Variants in NBAS observed in about 807,000 individuals in gnomAD.
The protein encoded by NBAS is NAG/BC035112 fusion.
NBAS carries 219 observed loss-of-function variants against 302.5 expected under a neutral mutation model. The ratio of observed to expected loss-of-function variants is 0.72; its 90% CI spans 0.65 to 0.81. The LOEUF is 0.81. NBAS is among the 30% of genes least tolerant of loss of function. The pLI, the probability that NBAS is intolerant of heterozygous loss-of-function variation, is 0.00. For synonymous variants in NBAS, 1,118 were observed against 1,021.6 expected (o/e 1.09, Z -1.80); for missense variants, 2,932 against 2,841.6 (o/e 1.03, Z -0.72).
intron 25 of NBAS, among the ~76,000 whole-genome samples, chr2:15,411,955 C>T (rs1676708531): frequency 6.6e-6 from 1 of 151,944 alleles, no homozygotes; most frequent in Non-Finnish European, 1.5e-5. Flanking sequence ...AAGTTTCTTC[C>T]CAAGTTTCAC....
At chr2:15,210,979 G>A (rs1666381286) in intron 48 of NBAS, among the ~76,000 whole-genome samples, 1 of 152,098 alleles carries the variant, frequency 6.6e-6, no homozygotes, top group South Asian at 2.1e-4. Flanking sequence ...AGCTGGGAAG[G>A]GTAGTGAGGG....
chr2:14,964,071 A>G, the NBAS span, among the ~76,000 whole-genome samples: 2 of 152,260 alleles, frequency 1.3e-5, no homozygotes, highest in African/African-American at 4.8e-5. Flanking sequence ...AGAAAATAAA[A>G]TCAAGAATAT....
chr2:14,869,402 G>A, the NBAS span, among the ~76,000 whole-genome samples: 1 of 152,256 alleles, frequency 6.6e-6, no homozygotes, highest in Admixed American at 6.5e-5. Context: ...ATCTCTAGCA[G>A]GATTGGGTCA....
chr2:15,138,512 A>G, the NBAS span, among the ~76,000 whole-genome samples: 1 of 152,116 alleles, frequency 6.6e-6, no homozygotes, highest in African/African-American at 2.4e-5. Context: ...TGCTGTCCAC[A>G]TACAATCCTT....
chr2:15,067,159 C>CAAA, the NBAS span, among the ~76,000 whole-genome samples: 6 of 93,346 alleles, frequency 6.4e-5, no homozygotes, highest in African/African-American at 3.0e-4. Flanking sequence ...CTTATCTCCA[C>CAAA]AAAAAAAAAA....
chr2:15,140,349 G>A, the NBAS span, among the ~76,000 whole-genome samples: 1 of 152,354 alleles, frequency 6.6e-6, no homozygotes, highest in East Asian at 1.9e-4. Flanking sequence ...GACCCACAGG[G>A]TCTGTGAGCA....
intron 6 of NBAS, among the ~76,000 whole-genome samples, chr2:15,543,897 G>A (rs577453791): frequency 1.3e-5 from 2 of 152,290 alleles, no homozygotes; most frequent in East Asian, 3.9e-4. Context: ...GTCAGGAGCT[G>A]TGTCTATTTT....
intron 23 of NBAS, among the ~76,000 whole-genome samples, chr2:15,419,067 C>T (rs898525620): frequency 6.6e-6 from 1 of 152,162 alleles, no homozygotes; most frequent in Non-Finnish European, 1.5e-5. Flanking sequence ...CAGAAACACA[C>T]TGATTCGCCA....
the NBAS span, among the ~76,000 whole-genome samples, chr2:14,930,895 A>G: frequency 3.3e-5 from 5 of 152,228 alleles, no homozygotes; most frequent in African/African-American, 1.2e-4. Context: ...AGATGAAGGT[A>G]TATAATTTTC....
the NBAS span, among the ~76,000 whole-genome samples, chr2:15,125,714 C>A: frequency 6.6e-6 from 1 of 152,162 alleles, no homozygotes; most frequent in African/African-American, 2.4e-5. Flanking sequence ...TTCTTTGGGC[C>A]AGTTTCTCCC....
At chr2:15,389,327 A>G (rs1003790535) in intron 28 of NBAS, among the ~76,000 whole-genome samples, 4 of 152,204 alleles carry the variant, frequency 2.6e-5, no homozygotes. Context: ...GGCTAGAATT[A>G]CCTTCCAAAC....
chr2:15,078,514 T>C, the NBAS span, among the ~76,000 whole-genome samples: 6 of 152,192 alleles, frequency 3.9e-5, no homozygotes, highest in Admixed American at 3.3e-4. Flanking sequence ...AGCGCTTCCA[T>C]TTGGCACTCG....
At chr2:14,835,423 G>A in the NBAS span, among the ~76,000 whole-genome samples, 2 of 151,954 alleles carry the variant, frequency 1.3e-5, no homozygotes, top group Non-Finnish European at 2.9e-5. Context: ...TGAGGAGACA[G>A]AGCATTCCCA....
chr2:14,985,885 T>C, the NBAS span, among the ~76,000 whole-genome samples: 3 of 152,170 alleles, frequency 2.0e-5, no homozygotes, highest in Non-Finnish European at 4.4e-5. Flanking sequence ...TGTTTACATG[T>C]CATATAGTGG....
At chr2:15,078,506 C>T in the NBAS span, among the ~76,000 whole-genome samples, 2 of 152,198 alleles carry the variant, frequency 1.3e-5, no homozygotes, top group Admixed American at 6.5e-5. Flanking sequence ...AGAAAGGAAG[C>T]GCTTCCATTT....
the NBAS span, among the ~76,000 whole-genome samples, chr2:14,846,088 C>A: frequency 6.6e-6 from 1 of 152,042 alleles, no homozygotes; most frequent in Non-Finnish European, 1.5e-5. Flanking sequence ...TCCAAAGAAG[C>A]CTACCTCAAG....
rs746282316 is a variant in NBAS at position 15,234,489 on chromosome 2, C to T, written c.6146+56G>A. ...TTACATACAGGATGACAGTTTAGCA[C>T]CATCACTGACAAAGTGTCACCCCAG... On this transcript the variant is annotated intron_variant, in intron 46 of 51. Coordinates refer to ENST00000281513, the MANE Select transcript of NBAS (RefSeq NM_015909.4). 13 of 1,547,458 alleles carry T rather than the reference C, an allele frequency of 8.4e-6. No individual in the cohort carries two copies. The East Asian group carries it at 2.7e-4, about 32-fold the overall frequency.
At chr2:15,175,825 C>G (rs1172978748) in intron 51 of NBAS, among the ~76,000 whole-genome samples, 1 of 152,222 alleles carries the variant, frequency 6.6e-6, no homozygotes, top group African/African-American at 2.4e-5. Context: ...AGCACTTAAG[C>G]ATCATCCTTT....
At chr2:15,302,641 G>A (rs1407426703) in intron 40 of NBAS, among the ~76,000 whole-genome samples, 1 of 152,182 alleles carries the variant, frequency 6.6e-6, no homozygotes, top group Non-Finnish European at 1.5e-5. Flanking sequence ...TTCAAAGGAA[G>A]AGACAATTTG....
Sources: gnomAD v4.1 joint callset for allele counts (sites outside exome capture counted in the v4.1 genomes callset) on GRCh38, gnomAD v4.1.1 for gene constraint, MANE v1.5 for transcripts, NCBI Gene and HGNC (gene_info 2026-07-23, HGNC 2026-07-21) for gene names.